The following GNB4 variants were observed in gnomAD, a reference collection of about 807,000 sequenced individuals.
GNB4 encodes G protein subunit beta 4.
Under a neutral mutation model 45.2 loss-of-function variants are expected in GNB4, and 28 were observed. That is an observed-to-expected ratio of 0.62 (90% CI 0.46 to 0.85). The LOEUF (loss-of-function observed/expected upper bound fraction) is 0.85, where lower values mean the gene tolerates loss of function less well. Among genes scored for constraint, GNB4 ranks in the 40% least tolerant of loss-of-function variants. The probability of loss-of-function intolerance (pLI) is 0.00; values close to 1 mark genes in which losing one functional copy is unlikely to be tolerated. For synonymous variants in GNB4, 132 were observed against 143.7 expected, an observed-to-expected ratio of 0.92 and a Z score of 0.58; for missense variants, 321 against 425.4, an observed-to-expected ratio of 0.75 and a Z score of 2.16.
At chr3:179,479,789 T>G in the GNB4 span, among the ~76,000 whole-genome samples, 1 of 152,252 alleles carries the variant, frequency 6.6e-6, no homozygotes, top group African/African-American at 2.4e-5. Flanking sequence ...ATCAGAATTA[T>G]ATTTTTCAAA....
chr3:179,420,736 A>G (rs967163772), intron 3 of GNB4, among the ~76,000 whole-genome samples, 153 bp downstream of exon 3: 4 of 152,098 alleles, frequency 2.6e-5, no homozygotes, highest in Admixed American at 2.6e-4. Flanking sequence ...CTCGCACTGT[A>G]TAGCATTTGA....
the GNB4 span, among the ~76,000 whole-genome samples, chr3:179,521,164 G>C: frequency 6.6e-6 from 1 of 152,028 alleles, no homozygotes; most frequent in Non-Finnish European, 1.5e-5. Flanking sequence ...GGCGACCGTG[G>C]TCATTTCTTC....
chr3:179,460,422 C>A, the GNB4 span, among the ~76,000 whole-genome samples: 17 of 152,144 alleles, frequency 1.1e-4, no homozygotes, highest in Admixed American at 2.0e-4. Context: ...GACCCTAGGG[C>A]AGCTGCACAA....
At chr3:179,462,754 C>T in the GNB4 span, among the ~76,000 whole-genome samples, 2 of 152,256 alleles carry the variant, frequency 1.3e-5, no homozygotes, top group Admixed American at 1.3e-4. Flanking sequence ...AGGAGAATCA[C>T]TTGAACCCAG....
the GNB4 span, among the ~76,000 whole-genome samples, chr3:179,498,411 C>T: frequency 1.3e-5 from 2 of 152,050 alleles, no homozygotes; most frequent in Non-Finnish European, 2.9e-5. Flanking sequence ...TGGAACTGGG[C>T]AAAAATAGTT....
chr3:179,403,194 C>A (rs62408882), intron 9 of GNB4, among the ~76,000 whole-genome samples: 11,001 of 152,052 alleles, frequency 0.072, 729 homozygotes, highest in Admixed American at 0.14. Flanking sequence ...ACACCAGCCA[C>A]GTGCCCAGAG....
At chr3:179,405,049 TAAC>T in intron 9 of GNB4, 138 bp downstream of exon 9, 2 of 563,794 alleles carry the variant, frequency 3.5e-6, no homozygotes, top group Non-Finnish European at 6.1e-6. Context: ...AAACAAAAGG[TAAC>T]AACAAAGAAC....
At chr3:179,524,327 T>G in the GNB4 span, among the ~76,000 whole-genome samples, 1 of 152,252 alleles carries the variant, frequency 6.6e-6, no homozygotes, top group Non-Finnish European at 1.5e-5. Context: ...AGATGGCACA[T>G]GGCTTGGGAG....
the GNB4 span, among the ~76,000 whole-genome samples, chr3:179,458,892 A>AT: frequency 9.2e-5 from 14 of 152,316 alleles, no homozygotes; most frequent in African/African-American, 3.1e-4. Flanking sequence ...AGAATTGAGA[A>AT]TTTTTTAACA....
intron 8 of GNB4, among the ~76,000 whole-genome samples, chr3:179,407,645 T>C (rs1254255248): frequency 6.6e-6 from 1 of 152,036 alleles, no homozygotes; most frequent in Non-Finnish European, 1.5e-5. Context: ...GCAGCTAGAG[T>C]TCACAGAGAG....
intron 8 of GNB4, among the ~76,000 whole-genome samples, chr3:179,410,006 C>CA (rs1444612567): frequency 6.6e-6 from 1 of 152,078 alleles, no homozygotes; most frequent in Non-Finnish European, 1.5e-5. Context: ...GTTCTTGTGA[C>CA]AGTGAGTTCT....
the GNB4 span, among the ~76,000 whole-genome samples, chr3:179,495,611 G>GAAGA: frequency 2.7e-5 from 4 of 149,968 alleles, no homozygotes; most frequent in South Asian, 8.6e-4. Context: ...GGGAGGGAAG[G>GAAGA]AAGAAAGAAA....
intron 1 of GNB4, among the ~76,000 whole-genome samples, chr3:179,442,596 CTCTG>C (rs1288102374): frequency 6.6e-6 from 1 of 151,946 alleles, no homozygotes; most frequent in African/African-American, 2.4e-5. Context: ...ATGTAGTTAT[CTCTG>C]TGTTACCAAG....
chr3:179,492,742 T>C, the GNB4 span, among the ~76,000 whole-genome samples: 16,826 of 151,986 alleles, frequency 0.11, 1,252 homozygotes, highest in East Asian at 0.33. Flanking sequence ...TGAAACCCAG[T>C]GTTGCTGTGG....
intron 2 of GNB4, among the ~76,000 whole-genome samples, 191 bp downstream of exon 2, chr3:179,425,953 T>G (rs568179190): frequency 1.3e-5 from 2 of 152,370 alleles, no homozygotes; most frequent in East Asian, 1.9e-4. Flanking sequence ...TTGTTCGCAA[T>G]GAATTTTGAA....
At chr3:179,455,687 A>G (rs188518016), upstream of GNB4, among the ~76,000 whole-genome samples, 61 of 152,352 alleles carry the variant, frequency 4.0e-4, no homozygotes, top group African/African-American at 1.4e-3. Context: ...TTAGTTATCT[A>G]TTGCTCTATT....
At chr3:179,434,856 G>A (rs1220114074) in intron 1 of GNB4, among the ~76,000 whole-genome samples, 5 of 152,120 alleles carry the variant, frequency 3.3e-5, no homozygotes. Context: ...CAAGGCTGCA[G>A]TGAGCTATGC....
At chr3:179,485,978 A>G in the GNB4 span, among the ~76,000 whole-genome samples, 1 of 151,894 alleles carries the variant, frequency 6.6e-6, no homozygotes. Context: ...GTATCCCAGC[A>G]CTTTGGGAGG....
the GNB4 span, among the ~76,000 whole-genome samples, chr3:179,494,059 A>G: frequency 2.0e-5 from 3 of 152,120 alleles, no homozygotes; most frequent in Non-Finnish European, 4.4e-5. Context: ...GTCTCAATGG[A>G]TCTAGAACTT....
Sources: gnomAD v4.1 joint callset for allele counts (sites outside exome capture counted in the v4.1 genomes callset) on GRCh38, gnomAD v4.1.1 for gene constraint, MANE v1.5 for transcripts, NCBI Gene and HGNC (gene_info 2026-07-23, HGNC 2026-07-21) for gene names.